The following WWOX variants were observed in gnomAD, a reference collection of about 807,000 sequenced individuals.
The protein encoded by WWOX is WW domain-containing oxidoreductase.
Under a neutral mutation model 46.2 loss-of-function variants are expected in WWOX, and 69 were observed. The observed-to-expected ratio is 1.49, with a 90% CI of 1.23 to 1.82. The LOEUF (loss-of-function observed/expected upper bound fraction) is 1.82. Among genes scored for constraint, WWOX ranks in the 40% most tolerant of loss-of-function variants. The probability of loss-of-function intolerance (pLI) is 0.00; values close to 1 mark genes in which losing one functional copy is unlikely to be tolerated. For missense variants in WWOX, 919 were observed against 542.6 expected (o/e 1.69, Z -6.89); for synonymous variants, 359 against 202.6 (o/e 1.77, Z -6.56).
intron 5 of WWOX, among the ~76,000 whole-genome samples, chr16:78,323,274 T>A (rs1490366727): frequency 6.6e-6 from 1 of 152,044 alleles, no homozygotes; most frequent in Non-Finnish European, 1.5e-5. Flanking sequence ...GCCCGGCTAA[T>A]TTTTTTATTT....
At chr16:78,824,723 T>C (rs1450319379) in intron 8 of WWOX, among the ~76,000 whole-genome samples, 2 of 152,006 alleles carry the variant, frequency 1.3e-5, no homozygotes, top group Non-Finnish European at 2.9e-5. Flanking sequence ...ATCACGAGGA[T>C]AGCGCAGGAA....
chr16:78,320,329 G>T (rs569147591), intron 5 of WWOX, among the ~76,000 whole-genome samples: 27 of 152,150 alleles, frequency 1.8e-4, no homozygotes, highest in Non-Finnish European at 3.2e-4. Context: ...CTTCGGTGTA[G>T]GTTGTCATAC....
chr16:78,619,992 G>A (rs1316648895), intron 8 of WWOX, among the ~76,000 whole-genome samples: 2 of 152,132 alleles, frequency 1.3e-5, no homozygotes, highest in African/African-American at 2.4e-5. Flanking sequence ...CACTACTCCT[G>A]ATTAACCAAG....
At chr16:78,695,108 C>T (rs1378492857) in intron 8 of WWOX, among the ~76,000 whole-genome samples, 3 of 152,102 alleles carry the variant, frequency 2.0e-5, no homozygotes, top group African/African-American at 7.2e-5. Context: ...CATGTTACTA[C>T]TCGTGGGATT....
intron 4 of WWOX, chr16:78,119,039 G>A (rs2032959453): frequency 6.6e-6 from 1 of 152,156 alleles, no homozygotes; most frequent in Admixed American, 6.6e-5. Context: ...AGTATCCAGG[G>A]GGAAGCCATC....
intron 8 of WWOX, among the ~76,000 whole-genome samples, chr16:79,015,125 C>A (rs1597279413): frequency 6.6e-6 from 1 of 152,114 alleles, no homozygotes; most frequent in Non-Finnish European, 1.5e-5. Flanking sequence ...TGTGCATTTG[C>A]CTGTGATTTG....
chr16:79,132,491 C>A (rs541479821), intron 8 of WWOX, among the ~76,000 whole-genome samples: 2 of 152,076 alleles, frequency 1.3e-5, no homozygotes, highest in African/African-American at 2.4e-5. Flanking sequence ...AGTTACTTGC[C>A]ACGTTTCAGA....
intron 8 of WWOX, among the ~76,000 whole-genome samples, chr16:78,865,828 C>G (rs990687329): frequency 9.2e-5 from 14 of 152,164 alleles, no homozygotes; most frequent in Non-Finnish European, 1.8e-4. Context: ...TGCAGTGAGC[C>G]AGATTGCACC....
At chr16:78,934,080 A>G (rs2045682764) in intron 8 of WWOX, among the ~76,000 whole-genome samples, 1 of 152,014 alleles carries the variant, frequency 6.6e-6, no homozygotes, top group South Asian at 2.1e-4. Context: ...TCATGCTGGT[A>G]ATCCCAGCAC....
At chr16:79,021,287 G>C (rs1027303170) in intron 8 of WWOX, among the ~76,000 whole-genome samples, 1 of 152,124 alleles carries the variant, frequency 6.6e-6, no homozygotes, top group Admixed American at 6.5e-5. Context: ...CTAGGGTAAG[G>C]CACGCAGGAT....
At chr16:78,376,083 C>G (rs1030263744) in intron 5 of WWOX, among the ~76,000 whole-genome samples, 2 of 152,010 alleles carry the variant, frequency 1.3e-5, no homozygotes, top group Non-Finnish European at 2.9e-5. Flanking sequence ...CTCCTGACCT[C>G]AAGTGATCCA....
In WWOX at chr16:78,983,370, G is replaced by A. The variant is rs75193975; in HGVS notation, c.1057-228238G>A. Among the ~76,000 whole-genome samples, 1,329 of 152,286 alleles carry A rather than the reference G, an allele frequency of 8.7e-3. 25 individuals carry two copies. Among genetic ancestry groups the A allele is most frequent in the African/African-American group, 0.031 (1,288 of 41,554 alleles). ...TCCGTGGTGTTCTTTCTTAAGTTGA[G>A]CATTGCATTCTCCTTGGATAGGATG... On this transcript the variant is annotated intron_variant, in intron 8 of 8. Coordinates refer to ENST00000566780, the MANE Select transcript of WWOX (RefSeq NM_016373.4).
intron 8 of WWOX, among the ~76,000 whole-genome samples, chr16:78,541,034 G>T (rs533405371): frequency 2.8e-4 from 43 of 152,084 alleles, no homozygotes; most frequent in African/African-American, 8.9e-4. Context: ...GAGGTGGCGT[G>T]GGTAGATACA....
At chr16:78,955,770 C>A (rs2046153455) in intron 8 of WWOX, among the ~76,000 whole-genome samples, 1 of 151,742 alleles carries the variant, frequency 6.6e-6, no homozygotes, top group Non-Finnish European at 1.5e-5. Flanking sequence ...GCCTCAGCCT[C>A]CCGAGTAGCT....
intron 8 of WWOX, among the ~76,000 whole-genome samples, chr16:78,668,182 G>T (rs547963502): frequency 3.3e-5 from 5 of 152,076 alleles, no homozygotes; most frequent in Non-Finnish European, 5.9e-5. Flanking sequence ...CGGGAGGCTG[G>T]GACAGAAGAA....
At chr16:78,567,515 T>G (rs1285769934) in intron 8 of WWOX, among the ~76,000 whole-genome samples, 1 of 129,386 alleles carries the variant, frequency 7.7e-6, no homozygotes, top group Non-Finnish European at 1.5e-5. Flanking sequence ...ATTGCAGCAC[T>G]GCACTCCAGC....
chr16:78,412,230 C>G (rs529479484), intron 6 of WWOX, among the ~76,000 whole-genome samples: 2 of 152,094 alleles, frequency 1.3e-5, no homozygotes, highest in African/African-American at 4.8e-5. Context: ...TATTTGTAAT[C>G]AGGTGACTGG....
intron 5 of WWOX, among the ~76,000 whole-genome samples, chr16:78,380,942 C>T (rs200355488): frequency 2.0e-5 from 3 of 152,098 alleles, no homozygotes; most frequent in South Asian, 2.1e-4. Context: ...GTGGCTTGTA[C>T]CTTATATTCA....
chr16:78,306,361 C>A (rs976314445), intron 5 of WWOX, among the ~76,000 whole-genome samples: 21 of 152,026 alleles, frequency 1.4e-4, no homozygotes, highest in Non-Finnish European at 1.3e-4. Context: ...ACTGGTCAGG[C>A]GATCAGGGAT....
Sources: gnomAD v4.1 joint callset for allele counts (sites outside exome capture counted in the v4.1 genomes callset) on GRCh38, gnomAD v4.1.1 for gene constraint, MANE v1.5 for transcripts, NCBI Gene and HGNC (gene_info 2026-07-23, HGNC 2026-07-21) for gene names.